ROBO2: variants seen among roughly 807,000 people sequenced by gnomAD.
ROBO2 encodes the protein roundabout guidance receptor 2.
A neutral mutation model predicts 160.8 loss-of-function variants in ROBO2; 53 were observed. That is an observed-to-expected ratio of 0.33 (90% CI 0.26 to 0.41). The LOEUF (loss-of-function observed/expected upper bound fraction) is 0.41, where lower values mean the gene tolerates loss of function less well. Ranked by LOEUF, ROBO2 falls within the 10% of genes least tolerant of loss-of-function variation. ROBO2 has a pLI of 1.00. For missense variants in ROBO2, 1,577 were observed against 1,722.4 expected (o/e 0.92, Z 1.49); for synonymous variants, 664 against 611.7 (o/e 1.09, Z -1.26).
At chr3:77,475,382 TATG>T (rs1230121289) in intron 2 of ROBO2, among the ~76,000 whole-genome samples, 5 of 152,180 alleles carry the variant, frequency 3.3e-5, no homozygotes, top group Non-Finnish European at 5.9e-5. Flanking sequence ...TATAGTTTGT[TATG>T]ATGTTTTTCT....
chr3:77,204,326 G>A (rs62251831), intron 2 of ROBO2, among the ~76,000 whole-genome samples: 5,946 of 151,978 alleles, frequency 0.039, 152 homozygotes, highest in African/African-American at 0.064. Context: ...AGCAAAATAT[G>A]CTACTTTTAT....
intron 18 of ROBO2, among the ~76,000 whole-genome samples, chr3:77,596,067 A>C (rs1477446556): frequency 1.3e-5 from 2 of 152,234 alleles, no homozygotes; most frequent in Non-Finnish European, 2.9e-5. Flanking sequence ...TTTAAAAAAA[A>C]CCCTTAATAT....
chr3:76,027,939 A>G (rs2066797374), intron 2 of ROBO2, among the ~76,000 whole-genome samples: 4 of 151,938 alleles, frequency 2.6e-5, no homozygotes, highest in African/African-American at 9.7e-5. Flanking sequence ...ACATCAAGCA[A>G]CCTATTTTTG....
At chr3:77,294,252 G>C (rs2061719393) in intron 2 of ROBO2, among the ~76,000 whole-genome samples, 1 of 140,682 alleles carries the variant, frequency 7.1e-6, no homozygotes, top group African/African-American at 2.7e-5. Context: ...AAGTAAAATT[G>C]ATGGTTAAAC....
chr3:76,337,717 C>T (rs1030067520), intron 2 of ROBO2, among the ~76,000 whole-genome samples: 30 of 152,176 alleles, frequency 2.0e-4, no homozygotes, highest in African/African-American at 6.0e-4. Context: ...TTTCTTTATG[C>T]GCAATGATAT....
intron 21 of ROBO2, among the ~76,000 whole-genome samples, chr3:77,616,457 T>C (rs752481628): frequency 1.3e-5 from 2 of 152,052 alleles, no homozygotes; most frequent in Non-Finnish European, 2.9e-5. Flanking sequence ...TATAATTCTG[T>C]TGCACGTGTT....
chr3:77,317,584 G>C, intron 2 of ROBO2: 4 of 1,306,892 alleles, frequency 3.1e-6, no homozygotes, highest in Non-Finnish European at 4.2e-6. Context: ...TGCCAAGATC[G>C]GCATACGTGG....
rs532494137 is a variant in ROBO2 at position 76,459,342 on chromosome 3, G to A, written c.109+521740G>A. Among the ~76,000 whole-genome samples the A allele has an allele frequency of 1.6e-4, 24 of 152,098 alleles. No individual in the cohort carries two copies. In the South Asian group the frequency reaches 3.7e-3, roughly 24 times the overall value. ...AGATGCAGACTTATAAAATTTCAAC[G>A]GTGTAACATTCATTAGAAAGATGAG... On this transcript the variant is annotated intron_variant, in intron 2 of 26. Coordinates refer to the ROBO2 transcript ENST00000487694.
exon 26 of ROBO2, chr3:77,649,160 G>A (rs941987124): frequency 6.6e-6 from 1 of 152,118 alleles, no homozygotes; most frequent in Non-Finnish European, 1.5e-5. Flanking sequence ...CAGTTCAAGG[G>A]AGAATGTAGA....
chr3:77,435,984 C>A (rs2079242838), intron 2 of ROBO2, among the ~76,000 whole-genome samples: 1 of 149,916 alleles, frequency 6.7e-6, no homozygotes, highest in Non-Finnish European at 1.5e-5. Flanking sequence ...ATGACTTTGT[C>A]TTGATTAAGA....
chr3:76,552,495 TTTTTCATATAATTAATATGCCAGCTTTC>T (rs1261109255), intron 2 of ROBO2, among the ~76,000 whole-genome samples: 4 of 152,222 alleles, frequency 2.6e-5, no homozygotes, highest in South Asian at 4.1e-4. Context: ...CACAGCTTTC[TTTTTCATATAATTAATATGCCAGCTTTC>T]TTTTCATATA....
chr3:77,021,726 T>C (rs2062649725), intron 2 of ROBO2, among the ~76,000 whole-genome samples: 2 of 152,168 alleles, frequency 1.3e-5, no homozygotes, highest in Admixed American at 1.3e-4. Flanking sequence ...CCCTGCCCTA[T>C]GAATGGATTA....
chr3:77,599,057 T>C (rs534145360), intron 19 of ROBO2, among the ~76,000 whole-genome samples: 1 of 152,256 alleles, frequency 6.6e-6, no homozygotes, highest in East Asian at 1.9e-4. Flanking sequence ...TTCTTCCATT[T>C]TCCCTTAATT....
intron 2 of ROBO2, among the ~76,000 whole-genome samples, chr3:76,675,646 G>A (rs937170340): frequency 4.6e-5 from 7 of 152,082 alleles, no homozygotes; most frequent in Non-Finnish European, 8.8e-5. Flanking sequence ...TGTGTCCTAC[G>A]GGACTATGGA....
intron 2 of ROBO2, among the ~76,000 whole-genome samples, chr3:76,220,191 G>A (rs180687168): frequency 1.4e-5 from 2 of 143,570 alleles, no homozygotes; most frequent in African/African-American, 2.6e-5. Flanking sequence ...GTTGGGGGAG[G>A]GGGGAGGGAT....
Position 76,363,934 on chromosome 3 carries a change from C to T in ROBO2, c.109+426332C>T, listed in dbSNP as rs545814078. Among the ~76,000 whole-genome samples the T allele has an allele frequency of 4.0e-3, 614 of 152,164 alleles. 4 individuals are homozygous for T. The highest frequency in any genetic ancestry group is 0.014 in the African/African-American group (564 of 41,554). ...ACCAAGCCTCCACTTAAACCTTGGT[C>T]ACAGAAAGCTCAGGCAGTAACTTTT... On this transcript the variant is annotated intron_variant, in intron 2 of 26. Coordinates refer to the ROBO2 transcript ENST00000487694.
At chr3:76,149,713 T>C in intron 2 of ROBO2, among the ~76,000 whole-genome samples, 1 of 126,460 alleles carries the variant, frequency 7.9e-6, no homozygotes, top group Non-Finnish European at 1.8e-5. Flanking sequence ...TAAAGCACAA[T>C]CTGTCTAAAA....
intron 2 of ROBO2, among the ~76,000 whole-genome samples, chr3:76,175,188 T>C (rs2073185751): frequency 6.6e-6 from 1 of 152,004 alleles, no homozygotes; most frequent in Non-Finnish European, 1.5e-5. Context: ...ATAGGAACGC[T>C]TGTGATTTTT....
At chr3:76,011,325 G>T (rs1576469654) in intron 2 of ROBO2, among the ~76,000 whole-genome samples, 1 of 152,116 alleles carries the variant, frequency 6.6e-6, no homozygotes, top group Admixed American at 6.6e-5. Context: ...GATTCAGGTG[G>T]ACTGAGACCC....
Sources: gnomAD v4.1 joint callset for allele counts (sites outside exome capture counted in the v4.1 genomes callset) on GRCh38, gnomAD v4.1.1 for gene constraint, MANE v1.5 for transcripts, NCBI Gene and HGNC (gene_info 2026-07-23, HGNC 2026-07-21) for gene names.